ANKRD26: variants seen among roughly 807,000 people sequenced by gnomAD.
ANKRD26 encodes ankyrin repeat domain-containing protein 26.
Under a neutral mutation model 208.7 loss-of-function variants are expected in ANKRD26, and 141 were observed. The ratio of observed to expected loss-of-function variants is 0.68; its 90% CI spans 0.59 to 0.78. The LOEUF is 0.78. Among genes scored for constraint, ANKRD26 ranks in the 30% least tolerant of loss-of-function variants. ANKRD26 has a pLI of 0.00. For synonymous variants in ANKRD26, 636 were observed against 660.4 expected (o/e 0.96, Z 0.57); for missense variants, 1,889 against 1,938.7 (o/e 0.97, Z 0.48).
chr10:27,060,667 GA>G (rs1233938576), intron 13 of ANKRD26, 127 bp from the exon 14 acceptor site: 1 of 791,598 alleles, frequency 1.3e-6, no homozygotes, highest in East Asian at 2.7e-5. Context: ...TAATTTTTGG[GA>G]TGTTTTTTAT....
At chr10:26,976,613 A>C (rs1373953283) in intron 5 of ANKRD26, among the ~76,000 whole-genome samples, 2 of 152,202 alleles carry the variant, frequency 1.3e-5, no homozygotes, top group East Asian at 3.9e-4. Flanking sequence ...AATGATAATG[A>C]CTTTCTGGAA....
At chr10:27,030,728 G>A in intron 25 of ANKRD26, 1 of 336,142 alleles carries the variant, frequency 3.0e-6, no homozygotes, top group Non-Finnish European at 4.2e-6. Flanking sequence ...AATATATTTA[G>A]AATAACCACC....
chr10:27,066,438 T>C (rs1336657574), intron 11 of ANKRD26, 49 bp downstream of exon 11: 2 of 1,408,662 alleles, frequency 1.4e-6, no homozygotes, highest in Non-Finnish European at 2.0e-6. Flanking sequence ...TGTTTTAACA[T>C]CACTCAATGC....
the ANKRD26 span, among the ~76,000 whole-genome samples, chr10:26,959,334 G>A: frequency 2.0e-5 from 3 of 151,082 alleles, no homozygotes; most frequent in African/African-American, 7.3e-5. Flanking sequence ...CGAAATGAAC[G>A]TAGTGAAAGT....
Position 27,066,473 on chromosome 10 carries a change from AC to A in ANKRD26, c.1269+13del. On this transcript the variant is annotated intron_variant, in intron 11 of 33. Transcript: ENST00000376087. Reference sequence around the variant, plus strand: ...CTTATATTTTAAAATAATAGTAACAACCATAGAAAGTACCTCAGAATCCCAA... The same window carrying A: ...CTTATATTTTAAAATAATAGTAACAACATAGAAAGTACCTCAGAATCCCAA... 1 of 1,558,286 alleles carries A rather than the reference AC, an allele frequency of 6.4e-7. No homozygotes were observed.
chr10:27,032,296 C>T (rs1260755024), intron 25 of ANKRD26, among the ~76,000 whole-genome samples: 4 of 151,966 alleles, frequency 2.6e-5, no homozygotes, highest in African/African-American at 4.8e-5. Flanking sequence ...GTCAGGAATT[C>T]GAGACCAGCC....
chr10:26,995,171 G>A (rs2052562914), intron 4 of ANKRD26: 1 of 470,972 alleles, frequency 2.1e-6, no homozygotes, highest in Non-Finnish European at 4.4e-6. Flanking sequence ...GCAGGATTAA[G>A]GTAATTACAC....
chr10:27,093,632 C>G (rs1256326749), intron 2 of ANKRD26, 53 bp downstream of exon 2: 1 of 1,594,668 alleles, frequency 6.3e-7, no homozygotes, highest in East Asian at 2.2e-5. Flanking sequence ...CATTTTCATT[C>G]TATGTATTTA....
At chr10:27,082,337 G>A (rs2055951381) in intron 6 of ANKRD26, among the ~76,000 whole-genome samples, 1 of 152,198 alleles carries the variant, frequency 6.6e-6, no homozygotes, top group Non-Finnish European at 1.5e-5. Flanking sequence ...GTGAGATCTG[G>A]CCTAAAACCT....
At chr10:27,064,969 C>T (rs1015829523) in intron 11 of ANKRD26, among the ~76,000 whole-genome samples, 7 of 152,060 alleles carry the variant, frequency 4.6e-5, no homozygotes, top group African/African-American at 1.7e-4. Flanking sequence ...TGATGGTTAC[C>T]CCGCTTCCTG....
intron 27 of ANKRD26, among the ~76,000 whole-genome samples, chr10:27,026,390 C>T (rs1210622475): frequency 1.3e-5 from 2 of 152,046 alleles, no homozygotes; most frequent in African/African-American, 2.4e-5. Context: ...AGGGGATGTC[C>T]CCCACACTCT....
intron 4 of ANKRD26, among the ~76,000 whole-genome samples, chr10:26,996,195 C>A (rs1477530052): frequency 6.6e-6 from 1 of 152,052 alleles, no homozygotes; most frequent in African/African-American, 2.4e-5. Flanking sequence ...ATAACTAATC[C>A]CAGCACTTTG....
At chr10:26,967,417 C>A in the ANKRD26 span, among the ~76,000 whole-genome samples, 1 of 152,146 alleles carries the variant, frequency 6.6e-6, no homozygotes, top group African/African-American at 2.4e-5. Flanking sequence ...CCCTTAAAGG[C>A]TGAGCTGTCA....
chr10:27,086,706 G>A (rs2056127789), intron 4 of ANKRD26, 97 bp from the exon 5 acceptor site: 3 of 1,317,780 alleles, frequency 2.3e-6, no homozygotes, highest in Non-Finnish European at 3.1e-6. Context: ...CATTATCAGA[G>A]CTAACAGCAG....
chr10:26,955,097 C>T, the ANKRD26 span, among the ~76,000 whole-genome samples: 1 of 151,576 alleles, frequency 6.6e-6, no homozygotes, highest in Non-Finnish European at 1.5e-5. Flanking sequence ...TAGTACTATA[C>T]TTGTAATTCT....
chr10:27,010,504 T>C (rs2053061113), intron 32 of ANKRD26, among the ~76,000 whole-genome samples: 1 of 152,188 alleles, frequency 6.6e-6, no homozygotes, highest in Non-Finnish European at 1.5e-5. Flanking sequence ...GTTATTGTTT[T>C]GGATTTTTTG....
the ANKRD26 span, among the ~76,000 whole-genome samples, chr10:26,966,993 G>A: frequency 2.0e-5 from 3 of 152,044 alleles, no homozygotes; most frequent in Non-Finnish European, 2.9e-5. Context: ...TATCCATCTC[G>A]TCTCTTTCAT....
At chr10:27,052,586 T>C (rs1395000542) in intron 16 of ANKRD26, among the ~76,000 whole-genome samples, 1 of 152,116 alleles carries the variant, frequency 6.6e-6, no homozygotes, top group Non-Finnish European at 1.5e-5. Flanking sequence ...TTATATACCA[T>C]AATATGGTGT....
At chr10:26,949,218 T>C in the ANKRD26 span, among the ~76,000 whole-genome samples, 1 of 152,178 alleles carries the variant, frequency 6.6e-6, no homozygotes, top group African/African-American at 2.4e-5. Flanking sequence ...TTGCTTCACC[T>C]ACACCTCCAC....
Sources: allele counts gnomAD v4.1 joint callset (sites outside exome capture counted in the v4.1 genomes callset), GRCh38; gene constraint gnomAD v4.1.1; transcripts MANE v1.5; gene names NCBI Gene and HGNC (gene_info 2026-07-23, HGNC 2026-07-21).